TTC28: variants seen among roughly 807,000 people sequenced by gnomAD.
The protein encoded by TTC28 is tetratricopeptide repeat domain 28, also known as tetratricopeptide repeat protein 28.
TTC28 carries 61 observed loss-of-function variants against 198.0 expected under a neutral mutation model. That is an observed-to-expected ratio of 0.31 (90% CI 0.25 to 0.38). The LOEUF is 0.38. Among genes scored for constraint, TTC28 ranks in the 10% least tolerant of loss-of-function variants. The pLI, the probability that TTC28 is intolerant of heterozygous loss-of-function variation, is 1.00. For synonymous variants in TTC28, 1,171 were observed against 1,297.8 expected (o/e 0.90, Z 2.10); for missense variants, 2,678 against 3,164.0 (o/e 0.85, Z 3.69).
At chr22:28,652,124 G>C (rs2051574448) in intron 1 of TTC28, among the ~76,000 whole-genome samples, 1 of 152,218 alleles carries the variant, frequency 6.6e-6, no homozygotes, top group Non-Finnish European at 1.5e-5. Context: ...ACAGGCATGA[G>C]CCACTGTGCC....
intron 2 of TTC28, among the ~76,000 whole-genome samples, chr22:28,589,488 C>T (rs1362650289): frequency 6.6e-6 from 1 of 152,204 alleles, no homozygotes; most frequent in African/African-American, 2.4e-5. Context: ...AAGGACCCAT[C>T]TGCTTTTTGT....
At chr22:28,529,260 T>C (rs2049077379) in intron 2 of TTC28, among the ~76,000 whole-genome samples, 1 of 150,284 alleles carries the variant, frequency 6.7e-6, no homozygotes, top group African/African-American at 2.5e-5. Flanking sequence ...CCAGATTATA[T>C]CCCATGCATG....
intron 2 of TTC28, among the ~76,000 whole-genome samples, chr22:28,483,339 G>A (rs1369115889): frequency 6.6e-6 from 1 of 152,180 alleles, no homozygotes; most frequent in African/African-American, 2.4e-5. Context: ...AGGGAGCAAT[G>A]AGAAGACACT....
rs1020630267 is a variant in TTC28 at position 28,427,106 on chromosome 22, T to C, written c.382-120463A>G. On this transcript the variant is annotated intron_variant, in intron 2 of 22. Coordinates refer to ENST00000397906, the MANE Select transcript of TTC28 (RefSeq NM_001145418.2). ...GTAATGTTCTAAGCACTGTAAAAAA[T>C]TAAATGTGAGAAAAATACTTTGCCA... Among the ~76,000 whole-genome samples the C allele has an allele frequency of 3.3e-5, 5 of 152,206 alleles. No individual in the cohort carries two copies. In the South Asian group the frequency reaches 8.3e-4, roughly 25 times the overall value.
At position 28,574,886 on chromosome 22, in the gene TTC28, C is replaced by G. The variant is rs573799564; in HGVS notation, c.381+54666G>C. Among the ~76,000 whole-genome samples the G allele has an allele frequency of 3.9e-5, 6 of 151,958 alleles. No individual in the cohort carries two copies. In the South Asian group the frequency reaches 1.2e-3, roughly 32 times the overall value. ...TTAATTCAGATTACTAGATTTTTTT[C>G]CCATAGAGTTGTTTGAGCTCCTTAT... On this transcript the variant is annotated intron_variant, in intron 2 of 22. Transcript: ENST00000397906.
At chr22:28,001,324 C>G (rs750013159) in intron 15 of TTC28, 50 bp downstream of exon 15, 2 of 1,520,706 alleles carry the variant, frequency 1.3e-6, no homozygotes, top group African/African-American at 2.8e-5. Flanking sequence ...GACGGTGCCT[C>G]GTGACCCGAA....
intron 5 of TTC28, among the ~76,000 whole-genome samples, chr22:28,188,423 T>C (rs555240663): frequency 4.0e-4 from 61 of 152,070 alleles, no homozygotes; most frequent in Non-Finnish European, 4.4e-4. Context: ...GGAGCAGGAA[T>C]TGAGGCACTA....
At chr22:28,344,386 C>T (rs1349814867) in intron 2 of TTC28, among the ~76,000 whole-genome samples, 2 of 152,024 alleles carry the variant, frequency 1.3e-5, no homozygotes, top group East Asian at 1.9e-4. Context: ...TTGAAATATG[C>T]TTAAGAACTA....
chr22:28,494,641 T>G (rs1416841838), intron 2 of TTC28, among the ~76,000 whole-genome samples: 1 of 152,160 alleles, frequency 6.6e-6, no homozygotes, highest in Non-Finnish European at 1.5e-5. Context: ...CTGATTGCAT[T>G]CTGGCTCTGC....
At chr22:28,341,715 G>A (rs1267243024) in intron 2 of TTC28, among the ~76,000 whole-genome samples, 1 of 152,022 alleles carries the variant, frequency 6.6e-6, no homozygotes, top group African/African-American at 2.4e-5. Flanking sequence ...GCTTGAACCC[G>A]GGAGGCAGAG....
chr22:28,250,850 A>C (rs1930461807), intron 5 of TTC28, among the ~76,000 whole-genome samples: 1 of 152,226 alleles, frequency 6.6e-6, no homozygotes, highest in Non-Finnish European at 1.5e-5. Context: ...AAGTGACTGG[A>C]AACAGTGGCT....
chr22:28,171,646 T>C (rs1345358071), intron 5 of TTC28, among the ~76,000 whole-genome samples: 2 of 145,814 alleles, frequency 1.4e-5, no homozygotes, highest in East Asian at 2.0e-4. Context: ...AAAAGCCCCA[T>C]ATTGTTTTAA....
At chr22:28,456,350 A>AAG (rs1186790478) in intron 2 of TTC28, among the ~76,000 whole-genome samples, 3 of 152,106 alleles carry the variant, frequency 2.0e-5, no homozygotes, top group Non-Finnish European at 4.4e-5. Flanking sequence ...GTTAATGGAT[A>AAG]AGAGGCTTCT....
chr22:28,158,762 C>G (rs981944869), intron 6 of TTC28, among the ~76,000 whole-genome samples: 5 of 152,158 alleles, frequency 3.3e-5, no homozygotes, highest in Admixed American at 1.3e-4. Flanking sequence ...AAAATCACAT[C>G]AAAATTGATT....
intron 2 of TTC28, among the ~76,000 whole-genome samples, chr22:28,477,197 C>A (rs2048179524): frequency 6.6e-6 from 1 of 152,176 alleles, no homozygotes; most frequent in Non-Finnish European, 1.5e-5. Context: ...GTAGTGGTTA[C>A]ATGAGTATAC....
At chr22:28,042,525 GAAT>G (rs1248547289) in intron 12 of TTC28, among the ~76,000 whole-genome samples, 1 of 151,902 alleles carries the variant, frequency 6.6e-6, no homozygotes, top group Admixed American at 6.6e-5. Flanking sequence ...GGTTGGAGTT[GAAT>G]AATGAGAACA....
At chr22:28,205,296 AT>A (rs543272520) in intron 5 of TTC28, among the ~76,000 whole-genome samples, 2 of 151,938 alleles carry the variant, frequency 1.3e-5, no homozygotes, top group African/African-American at 4.8e-5. Context: ...AAAGTTAGAC[AT>A]TTTTTCCTTA....
chr22:28,371,509 C>CAAAAAAAAAA (rs1229801209), intron 2 of TTC28, among the ~76,000 whole-genome samples: 172 of 6,100 alleles, frequency 0.028, 41 homozygotes, highest in East Asian at 0.12. Context: ...GACCCTGTCT[C>CAAAAAAAAAA]AAAAAAAAAA....
At chr22:28,072,905 T>A (rs189821589) in intron 12 of TTC28, among the ~76,000 whole-genome samples, 7 of 152,278 alleles carry the variant, frequency 4.6e-5, no homozygotes, top group African/African-American at 1.7e-4. Flanking sequence ...CTGGGGCTGA[T>A]GTGTGCAGGA....
Sources: allele counts gnomAD v4.1 joint callset (sites outside exome capture counted in the v4.1 genomes callset), GRCh38; gene constraint gnomAD v4.1.1; transcripts MANE v1.5; gene names NCBI Gene and HGNC (gene_info 2026-07-23, HGNC 2026-07-21).